The following EVA1C variants were observed in gnomAD, a reference collection of about 807,000 sequenced individuals.
EVA1C encodes eva-1 homolog C.
A neutral mutation model predicts 45.4 loss-of-function variants in EVA1C; 25 were observed. That is an observed-to-expected ratio of 0.55 (90% CI 0.40 to 0.77). EVA1C has a LOEUF of 0.77. Among genes scored for constraint, EVA1C ranks in the 30% least tolerant of loss-of-function variants. The pLI, the probability that EVA1C is intolerant of heterozygous loss-of-function variation, is 0.00. For synonymous variants in EVA1C, 190 were observed against 221.2 expected, an observed-to-expected ratio of 0.86 and a Z score of 1.25; for missense variants, 479 against 554.8, an observed-to-expected ratio of 0.86 and a Z score of 1.37.
intron 4 of EVA1C, among the ~76,000 whole-genome samples, chr21:32,480,473 C>A (rs1473337952): frequency 6.6e-6 from 1 of 152,106 alleles, no homozygotes; most frequent in African/African-American, 2.4e-5. Context: ...AAAACCCCAT[C>A]TCTACAAACA....
intron 1 of EVA1C, among the ~76,000 whole-genome samples, chr21:32,435,185 G>T (rs2034892991): frequency 6.7e-6 from 1 of 150,030 alleles, no homozygotes; most frequent in Admixed American, 6.6e-5. Flanking sequence ...CTTCTTTGTT[G>T]TCCCATCTCT....
At chr21:32,495,980 C>CT (rs971696249) in intron 5 of EVA1C, among the ~76,000 whole-genome samples, 1 of 152,192 alleles carries the variant, frequency 6.6e-6, no homozygotes, top group Admixed American at 6.5e-5. Flanking sequence ...TCTGCAACAG[C>CT]TTTTTTGAGA....
At chr21:32,459,938 A>G (rs1432347092) in intron 3 of EVA1C, among the ~76,000 whole-genome samples, 8 of 151,878 alleles carry the variant, frequency 5.3e-5, no homozygotes, top group East Asian at 1.9e-4. Context: ...ATTCTTTCAC[A>G]TTTTCTATAT....
At chr21:32,437,873 A>G (rs1319526911) in intron 1 of EVA1C, among the ~76,000 whole-genome samples, 2 of 152,078 alleles carry the variant, frequency 1.3e-5, no homozygotes, top group African/African-American at 2.4e-5. Flanking sequence ...ATGAGGGAGG[A>G]GCGAGCGCTT....
At chr21:32,468,998 G>A (rs1000626987) in intron 4 of EVA1C, among the ~76,000 whole-genome samples, 2 of 152,182 alleles carry the variant, frequency 1.3e-5, no homozygotes, top group Non-Finnish European at 2.9e-5. Context: ...GTCAAGGGCA[G>A]GGAGGAACCG....
In EVA1C at chr21:32,482,284, T is replaced by C. The variant is rs189926437; in HGVS notation, c.635-12743T>C. On this transcript the variant is annotated intron_variant, in intron 4 of 7. Coordinates refer to ENST00000300255, the MANE Select transcript of EVA1C (RefSeq NM_058187.5). ...CAGCTGAGGAGAACAGCAAATGTTT[T>C]TGTGGGCTTACCTTCTGCAGTTGCC... Among the ~76,000 whole-genome samples, 121 of 152,346 alleles carry C rather than the reference T, an allele frequency of 7.9e-4. 1 individual carries two copies. Among genetic ancestry groups the C allele is most frequent in the African/African-American group, 2.8e-3 (116 of 41,576 alleles).
intron 4 of EVA1C, among the ~76,000 whole-genome samples, chr21:32,486,624 G>A (rs903625061): frequency 3.3e-5 from 5 of 152,018 alleles, no homozygotes; most frequent in Admixed American, 6.6e-5. Flanking sequence ...AAAATTTCTG[G>A]AAGAAACACT....
intron 5 of EVA1C, chr21:32,496,739 G>A: frequency 1.6e-6 from 1 of 621,528 alleles, no homozygotes; most frequent in Non-Finnish European, 2.9e-6. Flanking sequence ...CTCCAAATAA[G>A]GTGTAGTTTT....
At chr21:32,436,879 G>C (rs1370622069) in intron 1 of EVA1C, among the ~76,000 whole-genome samples, 2 of 152,132 alleles carry the variant, frequency 1.3e-5, no homozygotes, top group Non-Finnish European at 2.9e-5. Context: ...ATAGATTCAG[G>C]CTGGGTGCAG....
intron 4 of EVA1C, among the ~76,000 whole-genome samples, chr21:32,473,626 C>T (rs1000070224): frequency 1.1e-4 from 16 of 152,200 alleles, no homozygotes; most frequent in African/African-American, 1.2e-4. Context: ...CAGCCTCCTC[C>T]GGGCATCTCT....
intron 1 of EVA1C, among the ~76,000 whole-genome samples, chr21:32,431,605 C>G (rs1443341276): frequency 6.6e-6 from 1 of 152,136 alleles, no homozygotes; most frequent in East Asian, 1.9e-4. Flanking sequence ...TTGACACCTG[C>G]AGAAACATTG....
intron 1 of EVA1C, among the ~76,000 whole-genome samples, chr21:32,416,241 G>A (rs2034036413): frequency 6.6e-6 from 1 of 151,154 alleles, no homozygotes; most frequent in Non-Finnish European, 1.5e-5. Flanking sequence ...TCTAATTTGT[G>A]TTGTTTCTCT....
In EVA1C at chr21:32,515,333, G is replaced by C. The variant is rs2038104032; in HGVS notation, c.*143G>C. 1.2e-6 allele frequency: 1 copy of C among 857,164 alleles called. No individual in the cohort carries two copies. The highest frequency in any genetic ancestry group is 1.7e-6 in the Non-Finnish European group (1 of 574,530). The allele number at this position is 857,164 out of a possible 1,614,324, so 53.1% of individuals were successfully genotyped here. On this transcript the variant is annotated 3_prime_UTR_variant, in exon 8 of 8. Transcript: ENST00000300255. ...CTCGTGAGGCCAGGAAGCTATTAAA[G>C]GGATGTTTCAAGCTGTTTCTAGCAC...
Position 32,474,098 on chromosome 21 carries a change from G to GC in EVA1C, c.634+6250_634+6251insC. 3.4e-6 allele frequency: 1 copy of GC among 298,496 alleles called. No homozygotes were observed. The highest frequency in any genetic ancestry group is 4.9e-6 in the Non-Finnish European group (1 of 202,138). 18.5% of individuals were successfully genotyped at this position (298,496 alleles called of 1,614,324 possible). A position where few individuals can be genotyped will look rare whatever the true frequency, so the allele number is the denominator to read the frequency against. ...GCATGCCACCATGCCTGGCATGGTG[G>GC]AGATGAAGTCTTGCTATTTTGCCCA... is the stretch of plus-strand genomic sequence containing the variant. On this transcript the variant is annotated intron_variant, in intron 4 of 7. Transcript: ENST00000300255. The surrounding 1 kb of genome is among the most constrained non-coding windows in gnomAD (Gnocchi z 4.4).
At chr21:32,499,507 T>C (rs2037460571) in intron 5 of EVA1C, among the ~76,000 whole-genome samples, 1 of 152,200 alleles carries the variant, frequency 6.6e-6, no homozygotes, top group African/African-American at 2.4e-5. Context: ...CAGGGCCTCC[T>C]GTACGTGGAA....
chr21:32,434,876 T>C (rs553711222), intron 1 of EVA1C, among the ~76,000 whole-genome samples: 10 of 152,400 alleles, frequency 6.6e-5, no homozygotes, highest in Middle Eastern at 3.4e-3. Flanking sequence ...ACCCAGCTTG[T>C]GGTACCTTGT....
In EVA1C at chr21:32,514,926, G is replaced by A; in HGVS notation, c.1062G>A (p.Leu354=). ...CCTGTGCCAAGGACTTCCGCGACTT[G>A]CAGCTGGGGAGGGAGCAGCTGGTGC... is the stretch of plus-strand genomic sequence containing the variant. The part of the protein sequence containing the change: ...RESCAKDFRD[L]QLGREQLVPG... Residue 354 remains leucine (L), a synonymous_variant, in exon 8 of 8, where the codon TTG becomes TTA. Coordinates refer to ENST00000300255, the MANE Select transcript of EVA1C (RefSeq NM_058187.5). 1 of 1,614,142 alleles carries A rather than the reference G, an allele frequency of 6.2e-7. No individual in the cohort carries two copies. The highest frequency in any genetic ancestry group is 2.2e-5 in the East Asian group (1 of 44,878).
intron 4 of EVA1C, among the ~76,000 whole-genome samples, chr21:32,481,600 A>G (rs899937373): frequency 6.6e-6 from 1 of 151,974 alleles, no homozygotes; most frequent in Admixed American, 6.6e-5. Flanking sequence ...AAGTTATATT[A>G]AAAAAAGAGT....
chr21:32,468,414 A>C lies in EVA1C; in HGVS notation c.634+566A>C, dbSNP rs1053161065. ...AACAAAAAAACAAAACAAACAAAAA[A>C]ACAAGAACTTAAGACATAAACACTA... On this transcript the variant is annotated intron_variant, in intron 4 of 7. Transcript: ENST00000300255. 9.9e-5 allele frequency among the ~76,000 whole-genome samples: 15 copies of C among 151,632 alleles called. No homozygotes were observed. In the Middle Eastern group the frequency reaches 0.01, roughly 103 times the overall value.
Sources: allele counts gnomAD v4.1 joint callset (sites outside exome capture counted in the v4.1 genomes callset), GRCh38; gene constraint gnomAD v4.1.1; non-coding constraint Gnocchi (gnomAD v3.1); transcripts MANE v1.5; gene names NCBI Gene and HGNC (gene_info 2026-07-23, HGNC 2026-07-21).